HSF2BP: variants seen among roughly 807,000 people sequenced by gnomAD.
HSF2BP encodes the protein heat shock factor 2-binding protein.
A neutral mutation model predicts 35.0 loss-of-function variants in HSF2BP; 35 were observed. The observed-to-expected ratio is 1.00, with a 90% CI of 0.76 to 1.32. The LOEUF is 1.32. HSF2BP is among the 40% of genes most tolerant of loss of function. The pLI is 0.00. For synonymous variants in HSF2BP, 114 were observed against 117.4 expected, an observed-to-expected ratio of 0.97 and a Z score of 0.18; for missense variants, 326 against 321.7, an observed-to-expected ratio of 1.01 and a Z score of -0.10.
chr21:43,657,372 C>T (rs1366706252), intron 2 of HSF2BP, among the ~76,000 whole-genome samples: 1 of 152,160 alleles, frequency 6.6e-6, no homozygotes, highest in East Asian at 1.9e-4. Context: ...AAAAGTCATA[C>T]AAGAGCTCTA....
At chr21:43,656,887 T>C (rs1226689238) in intron 2 of HSF2BP, 150 bp from the exon 3 acceptor site, 2 of 631,614 alleles carry the variant, frequency 3.2e-6, no homozygotes, top group East Asian at 5.5e-5. Flanking sequence ...ATAGATATAT[T>C]TTATGTACAT....
intron 7 of HSF2BP, among the ~76,000 whole-genome samples, chr21:43,612,751 C>T (rs1001398781): frequency 1.3e-5 from 2 of 151,322 alleles, no homozygotes; most frequent in African/African-American, 2.4e-5. Flanking sequence ...ATTATTTGAA[C>T]GCCTAGGAGT....
intron 8 of HSF2BP, among the ~76,000 whole-genome samples, chr21:43,582,185 C>T (rs1435592720): frequency 2.4e-5 from 2 of 84,370 alleles, no homozygotes; most frequent in Non-Finnish European, 4.4e-5. Context: ...TGAGGGCCTG[C>T]TGTGGGAGAT....
intron 4 of HSF2BP, among the ~76,000 whole-genome samples, chr21:43,642,866 T>C (rs1278147063): frequency 1.4e-5 from 2 of 146,484 alleles, no homozygotes; most frequent in Admixed American, 7.0e-5. Flanking sequence ...GTGGCACGAT[T>C]TCGGCTCACT....
intron 6 of HSF2BP, among the ~76,000 whole-genome samples, chr21:43,627,024 C>T (rs532921880): frequency 7.2e-5 from 11 of 152,140 alleles, no homozygotes; most frequent in Non-Finnish European, 1.5e-4. Flanking sequence ...TGCGCCACCA[C>T]GCCTGGCTAA....
chr21:43,651,433 T>C (rs146039385), intron 3 of HSF2BP, among the ~76,000 whole-genome samples: 74 of 151,640 alleles, frequency 4.9e-4, no homozygotes, highest in Non-Finnish European at 8.1e-4. Context: ...ACAGCCACAG[T>C]CCCACACACT....
At chr21:43,606,512 A>C (rs913564324) in intron 7 of HSF2BP, among the ~76,000 whole-genome samples, 3 of 152,098 alleles carry the variant, frequency 2.0e-5, no homozygotes, top group African/African-American at 7.2e-5. Context: ...GGAGGAGAGG[A>C]GGTATGGCCT....
chr21:43,651,376 T>C (rs1470889107), intron 3 of HSF2BP, among the ~76,000 whole-genome samples: 1 of 152,158 alleles, frequency 6.6e-6, no homozygotes, highest in Non-Finnish European at 1.5e-5. Flanking sequence ...CACTTTGTCC[T>C]GACTTAACCA....
chr21:43,636,184 A>G (rs937523385), intron 4 of HSF2BP, among the ~76,000 whole-genome samples: 1 of 148,772 alleles, frequency 6.7e-6, no homozygotes, highest in African/African-American at 2.5e-5. Context: ...GCAAGACACC[A>G]TCTCAAGAAA....
chr21:43,645,231 C>G (rs1215581184), intron 3 of HSF2BP, among the ~76,000 whole-genome samples: 3 of 152,200 alleles, frequency 2.0e-5, no homozygotes, highest in Non-Finnish European at 2.9e-5. Context: ...CAATGATTCT[C>G]AAACTTTAGC....
intron 4 of HSF2BP, among the ~76,000 whole-genome samples, chr21:43,640,206 T>C (rs2082617573): frequency 6.6e-6 from 1 of 152,110 alleles, no homozygotes; most frequent in African/African-American, 2.4e-5. Flanking sequence ...GAGGCTGACA[T>C]GGGAGGACTG....
chr21:43,495,552 AT>A, the HSF2BP span, among the ~76,000 whole-genome samples: 1 of 110,332 alleles, frequency 9.1e-6, no homozygotes, highest in Non-Finnish European at 1.9e-5. Context: ...GACCAAAGTC[AT>A]CGGCTCATAT....
At chr21:43,467,981 A>C in the HSF2BP span, among the ~76,000 whole-genome samples, 1 of 98,192 alleles carries the variant, frequency 1.0e-5, no homozygotes, top group Admixed American at 1.0e-4. Context: ...CACACCACAC[A>C]CACCACACCC....
At chr21:43,647,499 G>A (rs1028296461) in intron 3 of HSF2BP, among the ~76,000 whole-genome samples, 6 of 152,118 alleles carry the variant, frequency 3.9e-5, no homozygotes, top group African/African-American at 1.4e-4. Flanking sequence ...CCAAAGTGCT[G>A]GGATTACAGG....
At chr21:43,653,046 A>G (rs1389902074) in intron 3 of HSF2BP, among the ~76,000 whole-genome samples, 3 of 152,008 alleles carry the variant, frequency 2.0e-5, no homozygotes, top group African/African-American at 7.3e-5. Flanking sequence ...GAGGCAAGAG[A>G]ATCGCTTGAA....
chr21:43,583,880 A>AG (rs2081805718), intron 8 of HSF2BP, among the ~76,000 whole-genome samples: 1 of 108,488 alleles, frequency 9.2e-6, no homozygotes, highest in Admixed American at 9.4e-5. Flanking sequence ...GGAGATGAAG[A>AG]CCTGCTGAGG....
At chr21:43,644,661 T>A (rs2082685098) in intron 3 of HSF2BP, among the ~76,000 whole-genome samples, 1 of 152,236 alleles carries the variant, frequency 6.6e-6, no homozygotes, top group African/African-American at 2.4e-5. Flanking sequence ...GCCAGACTAG[T>A]ACTCAAGGCT....
At chr21:43,592,204 A>G in intron 8 of HSF2BP, 21 bp downstream of exon 8, 2 of 1,514,990 alleles carry the variant, frequency 1.3e-6, no homozygotes, top group Non-Finnish European at 1.8e-6. Flanking sequence ...AAGCAGCTGG[A>G]CAGATAACCA....
At position 43,658,183 on chromosome 21, in the gene HSF2BP, C is replaced by CG; in HGVS notation, c.-88dup. On this transcript the variant is annotated 5_prime_UTR_variant, in exon 2 of 9. Transcript: ENST00000291560. The stretch of plus-strand genomic sequence containing the variant: ...AGAAAGCGCGGGAACGAATCCACGC[C>CG]GGGGGTCGGGAACGGAGAGCCGCCA... The CG allele has an allele frequency of 1.4e-6, 2 of 1,398,624 alleles. No individual in the cohort carries two copies. The highest frequency in any genetic ancestry group is 1.9e-6 in the Non-Finnish European group (2 of 1,063,054). 86.6% of individuals were successfully genotyped at this position (1,398,624 alleles called of 1,614,324 possible).
Sources: allele counts gnomAD v4.1 joint callset (sites outside exome capture counted in the v4.1 genomes callset), GRCh38; gene constraint gnomAD v4.1.1; transcripts MANE v1.5; gene names NCBI Gene and HGNC (gene_info 2026-07-23, HGNC 2026-07-21).